LINGO2: variants seen among roughly 807,000 people sequenced by gnomAD.
The protein encoded by LINGO2 is leucine-rich repeat and immunoglobulin-like domain-containing nogo receptor-interacting protein 2.
In LINGO2, 14 loss-of-function variants were observed where a neutral mutation model predicts 30.6. The ratio of observed to expected loss-of-function variants is 0.46; its 90% CI spans 0.30 to 0.72. The LOEUF is 0.72. Ranked by LOEUF, LINGO2 falls within the 30% of genes least tolerant of loss-of-function variation. LINGO2 has a pLI of 0.07. For missense variants in LINGO2, 729 were observed against 751.7 expected (o/e 0.97, Z 0.35); for synonymous variants, 317 against 288.5 (o/e 1.10, Z -1.00).
the LINGO2 span, among the ~76,000 whole-genome samples, chr9:28,729,479 A>G: frequency 6.6e-6 from 1 of 152,138 alleles, no homozygotes; most frequent in Non-Finnish European, 1.5e-5. Flanking sequence ...TTCACAACAA[A>G]CAAACAAACA....
At chr9:28,663,974 C>T (rs1291957079) in intron 1 of LINGO2, among the ~76,000 whole-genome samples, 1 of 151,888 alleles carries the variant, frequency 6.6e-6, no homozygotes, top group Admixed American at 6.6e-5. Flanking sequence ...ACTGATGATA[C>T]AACAATATTC....
At chr9:28,780,895 T>C in the LINGO2 span, among the ~76,000 whole-genome samples, 2 of 151,618 alleles carry the variant, frequency 1.3e-5, no homozygotes, top group East Asian at 1.9e-4. Flanking sequence ...ACTAAATATA[T>C]ATGAGACCAG....
In LINGO2 at chr9:28,097,277, C is replaced by T. The variant is rs546702171; in HGVS notation, c.-86-84872G>A. On this transcript the variant is annotated intron_variant, in intron 4 of 5. Coordinates refer to ENST00000379992, the Ensembl canonical transcript of LINGO2. Reference sequence around the variant, plus strand: ...TCAATCATCATGGAAGTCAGTGCGGCGATTCCTCAGGGATCTAGAACTAGA... The same window carrying T: ...TCAATCATCATGGAAGTCAGTGCGGTGATTCCTCAGGGATCTAGAACTAGA... Among the ~76,000 whole-genome samples the T allele has an allele frequency of 6.6e-5, 10 of 152,146 alleles. No individual in the cohort carries two copies. In the East Asian group the frequency reaches 9.7e-4, roughly 15 times the overall value.
At chr9:29,179,615 G>A in the LINGO2 span, among the ~76,000 whole-genome samples, 6 of 152,234 alleles carry the variant, frequency 3.9e-5, no homozygotes, top group East Asian at 9.7e-4. Context: ...ATGTTGGCCA[G>A]GCTGGTCTTG....
chr9:27,992,724 T>C (rs1199743732), intron 5 of LINGO2, among the ~76,000 whole-genome samples: 1 of 152,074 alleles, frequency 6.6e-6, no homozygotes, highest in Admixed American at 6.6e-5. Flanking sequence ...GGTGGTGGAT[T>C]TCTGGTTGGT....
At chr9:28,280,634 A>C (rs771012044) in intron 4 of LINGO2, among the ~76,000 whole-genome samples, 1 of 152,048 alleles carries the variant, frequency 6.6e-6, no homozygotes, top group Non-Finnish European at 1.5e-5. Flanking sequence ...AAACATCTGG[A>C]AGTTGTGTGG....
chr9:27,959,196 T>G (rs1389516837), intron 5 of LINGO2, among the ~76,000 whole-genome samples: 1 of 152,156 alleles, frequency 6.6e-6, no homozygotes, highest in African/African-American at 2.4e-5. Context: ...TTTTTCAGTT[T>G]TATTAAAATT....
At chr9:28,760,145 T>C in the LINGO2 span, among the ~76,000 whole-genome samples, 17 of 152,136 alleles carry the variant, frequency 1.1e-4, no homozygotes, top group African/African-American at 4.1e-4. Flanking sequence ...ATGAAACAGA[T>C]ACTGAGCATA....
chr9:28,340,586 T>C (rs895352435), intron 3 of LINGO2, among the ~76,000 whole-genome samples: 3 of 152,102 alleles, frequency 2.0e-5, no homozygotes, highest in Non-Finnish European at 4.4e-5. Context: ...TTTACCATAT[T>C]CTTTACAAAT....
chr9:28,929,725 C>A, the LINGO2 span, among the ~76,000 whole-genome samples: 1 of 152,118 alleles, frequency 6.6e-6, no homozygotes. Context: ...AGTGAGAGTG[C>A]AAACTGCGCC....
At chr9:28,191,688 C>G (rs1368966728) in intron 4 of LINGO2, among the ~76,000 whole-genome samples, 1 of 152,090 alleles carries the variant, frequency 6.6e-6, no homozygotes, top group African/African-American at 2.4e-5. Context: ...TCATCAGTAA[C>G]CTCAATGATA....
chr9:28,870,291 C>T, the LINGO2 span, among the ~76,000 whole-genome samples: 6 of 152,118 alleles, frequency 3.9e-5, no homozygotes, highest in East Asian at 7.7e-4. Flanking sequence ...TCCATTCCAC[C>T]CCATGTGTGT....
chr9:28,422,580 T>A lies in LINGO2; in HGVS notation c.-278-49712A>T, dbSNP rs148932903. Among the ~76,000 whole-genome samples, 131 of 152,192 alleles carry A rather than the reference T, an allele frequency of 8.6e-4. 1 individual carries two copies. The East Asian group carries it at 0.021, about 25-fold the overall frequency. The stretch of plus-strand genomic sequence containing the variant: ...GGTTTGTATACAGTTAGTAGGGGTG[T>A]AAAATGGTACAGCTGCAATGCAAAA... On this transcript the variant is annotated intron_variant, in intron 2 of 5. Coordinates refer to ENST00000379992, the Ensembl canonical transcript of LINGO2.
chr9:29,200,916 T>A, the LINGO2 span, among the ~76,000 whole-genome samples: 73 of 152,064 alleles, frequency 4.8e-4, no homozygotes, highest in African/African-American at 1.8e-3. Flanking sequence ...ATTTGCCTAT[T>A]TTTTTTCATG....
intron 5 of LINGO2, among the ~76,000 whole-genome samples, chr9:27,973,612 AAG>A (rs1372633235): frequency 1.3e-5 from 2 of 152,188 alleles, no homozygotes; most frequent in African/African-American, 4.8e-5. Context: ...TTTCCTAGGA[AAG>A]AGAGTCACTG....
intron 4 of LINGO2, among the ~76,000 whole-genome samples, chr9:28,021,144 TC>T (rs1823100525): frequency 6.6e-6 from 1 of 152,146 alleles, no homozygotes; most frequent in African/African-American, 2.4e-5. Context: ...GATGTTTTTT[TC>T]TAATATATGC....
chr9:29,124,654 GA>G, the LINGO2 span, among the ~76,000 whole-genome samples: 7 of 151,988 alleles, frequency 4.6e-5, no homozygotes, highest in East Asian at 1.2e-3. Flanking sequence ...CATCAAACAT[GA>G]AAAAAAGTTC....
At chr9:28,753,069 A>T in the LINGO2 span, among the ~76,000 whole-genome samples, 9 of 151,944 alleles carry the variant, frequency 5.9e-5, no homozygotes, top group South Asian at 6.2e-4. Context: ...TGGTATTATC[A>T]GCCAGAAAGC....
At chr9:29,008,237 C>A in the LINGO2 span, among the ~76,000 whole-genome samples, 2 of 152,142 alleles carry the variant, frequency 1.3e-5, no homozygotes, top group Non-Finnish European at 2.9e-5. Flanking sequence ...TCATCCATAT[C>A]CCTACAAAGG....
Sources: gnomAD v4.1 joint callset for allele counts (sites outside exome capture counted in the v4.1 genomes callset) on GRCh38, gnomAD v4.1.1 for gene constraint, MANE v1.5 for transcripts, NCBI Gene and HGNC (gene_info 2026-07-23, HGNC 2026-07-21) for gene names.